Variants in ZNF407 observed in about 807,000 individuals in gnomAD.
ZNF407 encodes zinc finger protein 407.
ZNF407 carries 17 observed loss-of-function variants against 131.2 expected under a neutral mutation model. The observed-to-expected ratio is 0.13, with a 90% CI of 0.09 to 0.19. The LOEUF is 0.19. Among genes scored for constraint, ZNF407 ranks in the 10% least tolerant of loss-of-function variants. The pLI is 1.00. For missense variants in ZNF407, 2,681 were observed against 2,830.6 expected (o/e 0.95, Z 1.20); for synonymous variants, 1,156 against 1,062.0 (o/e 1.09, Z -1.72).
At chr18:74,875,763 C>T (rs957315769) in intron 4 of ZNF407, among the ~76,000 whole-genome samples, 1 of 151,904 alleles carries the variant, frequency 6.6e-6, no homozygotes. Flanking sequence ...TCCATGTTAA[C>T]GGGTGTAAAT....
Position 75,048,135 on chromosome 18 carries a change from T to C in ZNF407, c.5429-15015T>C, listed in dbSNP as rs1295875943. Among the ~76,000 whole-genome samples the C allele has an allele frequency of 3.9e-5, 6 of 152,238 alleles. No individual in the cohort carries two copies. The highest frequency in any genetic ancestry group is 5.9e-5 in the Non-Finnish European group (4 of 68,040). On this transcript the variant is annotated intron_variant, in intron 8 of 8. Coordinates refer to ENST00000299687, the MANE Select transcript of ZNF407 (RefSeq NM_017757.3). This position sits in a 1 kb window ranked among gnomAD's most constrained non-coding sequence, Gnocchi z 4.1. ...CCAGAATCATAGACTCAGATCCTAATGCAGCTGAAGCTGACACCTGTCAGC... is the reference window on the plus strand; with the variant it reads ...CCAGAATCATAGACTCAGATCCTAACGCAGCTGAAGCTGACACCTGTCAGC...
intron 6 of ZNF407, among the ~76,000 whole-genome samples, chr18:74,884,794 G>T (rs1971285437): frequency 2.0e-5 from 3 of 152,024 alleles, no homozygotes. Context: ...TTTTTAAGAG[G>T]TTATGTTAAA....
chr18:74,616,369 A>T (rs1983289237), intron 1 of ZNF407, among the ~76,000 whole-genome samples: 1 of 152,144 alleles, frequency 6.6e-6, no homozygotes, highest in Admixed American at 6.5e-5. Context: ...GGATTCTTGG[A>T]TGTCTTCATG....
intron 8 of ZNF407, among the ~76,000 whole-genome samples, chr18:74,923,200 T>A (rs1028702852): frequency 1.3e-5 from 2 of 152,286 alleles, no homozygotes; most frequent in African/African-American, 4.8e-5. Context: ...TGTTGTCAGA[T>A]AAGAAACACA....
At chr18:74,838,905 A>G (rs59466226) in intron 4 of ZNF407, among the ~76,000 whole-genome samples, 10 of 152,094 alleles carry the variant, frequency 6.6e-5, no homozygotes, top group African/African-American at 2.4e-4. Context: ...ACTATTGATT[A>G]TCTAGGAGTT....
At chr18:74,791,708 T>A (rs1159169418) in intron 4 of ZNF407, among the ~76,000 whole-genome samples, 1 of 152,196 alleles carries the variant, frequency 6.6e-6, no homozygotes, top group East Asian at 1.9e-4. Context: ...AGTCACATCT[T>A]ACCACTTAGA....
At chr18:75,017,709 G>A (rs1386735726) in intron 8 of ZNF407, among the ~76,000 whole-genome samples, 1 of 152,114 alleles carries the variant, frequency 6.6e-6, no homozygotes, top group African/African-American at 2.4e-5. Flanking sequence ...CATGTGTTGT[G>A]GTCCAAGTAA....
chr18:74,711,642 T>C (rs1481387146), intron 3 of ZNF407, among the ~76,000 whole-genome samples: 1 of 152,238 alleles, frequency 6.6e-6, no homozygotes, highest in Non-Finnish European at 1.5e-5. Context: ...TGTGTTTTAC[T>C]AAGTTTGTAG....
intron 4 of ZNF407, among the ~76,000 whole-genome samples, chr18:74,835,601 G>A (rs1460646069): frequency 6.7e-6 from 1 of 150,088 alleles, no homozygotes; most frequent in Non-Finnish European, 1.5e-5. Flanking sequence ...AATTTTGAGT[G>A]TGTGAGTTTG....
At chr18:74,604,666 T>A (rs77277269) in intron 1 of ZNF407, among the ~76,000 whole-genome samples, 9,166 of 152,320 alleles carry the variant, frequency 0.06, 392 homozygotes, top group Non-Finnish European at 0.086. Context: ...GCTTCTAGGA[T>A]CCTTGGCAGA....
chr18:74,617,602 C>G (rs993205861), intron 1 of ZNF407, among the ~76,000 whole-genome samples: 1 of 151,922 alleles, frequency 6.6e-6, no homozygotes, highest in African/African-American at 2.4e-5. Context: ...CCACTGTTTC[C>G]TCTTCATTAG....
chr18:74,602,722 A>G (rs890438703), intron 1 of ZNF407, among the ~76,000 whole-genome samples: 16 of 152,220 alleles, frequency 1.1e-4, no homozygotes, highest in Non-Finnish European at 1.9e-4. Flanking sequence ...TGACTTCCGA[A>G]CCCCTATTTT....
At chr18:74,956,283 G>C (rs1179670255) in intron 8 of ZNF407, among the ~76,000 whole-genome samples, 1 of 151,780 alleles carries the variant, frequency 6.6e-6, no homozygotes, top group Admixed American at 6.6e-5. Context: ...ACATCCACCA[G>C]CCTGTCCTTG....
At chr18:74,803,752 T>C (rs939252451) in intron 4 of ZNF407, among the ~76,000 whole-genome samples, 1 of 152,234 alleles carries the variant, frequency 6.6e-6, no homozygotes, top group African/African-American at 2.4e-5. Context: ...TTATATGTTT[T>C]ACAAACCAGG....
intron 8 of ZNF407, among the ~76,000 whole-genome samples, chr18:75,055,642 G>A (rs980956917): frequency 3.3e-5 from 5 of 152,296 alleles, no homozygotes; most frequent in Non-Finnish European, 7.4e-5. Context: ...CTAGGCCCAT[G>A]GAGACTATTC....
At chr18:74,852,910 G>A (rs1010060917) in intron 4 of ZNF407, among the ~76,000 whole-genome samples, 4 of 152,096 alleles carry the variant, frequency 2.6e-5, no homozygotes, top group Non-Finnish European at 4.4e-5. Context: ...CTTGTATTAT[G>A]TATACAATTT....
intron 4 of ZNF407, among the ~76,000 whole-genome samples, chr18:74,862,319 G>A (rs1489381250): frequency 2.0e-5 from 3 of 152,198 alleles, no homozygotes; most frequent in Non-Finnish European, 4.4e-5. Context: ...GATCGAGTGT[G>A]GCACACACAG....
intron 3 of ZNF407, among the ~76,000 whole-genome samples, chr18:74,701,976 A>C (rs1310092961): frequency 6.6e-6 from 1 of 152,202 alleles, no homozygotes; most frequent in Non-Finnish European, 1.5e-5. Context: ...CTTATGTTTT[A>C]GCTTGGTATG....
rs551035918 is a variant in ZNF407, at chr18:74,605,107, A to G, written c.-54+7170A>G. 1.1e-4 allele frequency among the ~76,000 whole-genome samples: 16 copies of G among 152,324 alleles called. No individual in the cohort carries two copies. The South Asian group carries it at 3.3e-3, about 32-fold the overall frequency. ...TTTTCACTCACCGTTTGCCACACCA[A>G]GAAAGAAATGGAGTGCATTCTCTTG... On this transcript the variant is annotated intron_variant, in intron 1 of 8. Coordinates refer to ENST00000299687, the MANE Select transcript of ZNF407 (RefSeq NM_017757.3).
Sources: gnomAD v4.1 joint callset for allele counts (sites outside exome capture counted in the v4.1 genomes callset) on GRCh38, gnomAD v4.1.1 for gene constraint, Gnocchi (gnomAD v3.1) non-coding constraint, MANE v1.5 for transcripts, NCBI Gene and HGNC (gene_info 2026-07-23, HGNC 2026-07-21) for gene names.